KIF16B: variants seen among roughly 807,000 people sequenced by gnomAD.
KIF16B encodes kinesin-like protein KIF16B.
A neutral mutation model predicts 156.3 loss-of-function variants in KIF16B; 98 were observed. The ratio of observed to expected loss-of-function variants is 0.63; its 90% confidence interval spans 0.53 to 0.74. The LOEUF (loss-of-function observed/expected upper bound fraction) is 0.74. Among genes scored for constraint, KIF16B ranks in the 30% least tolerant of loss-of-function variants. KIF16B has a pLI of 0.00. For synonymous variants in KIF16B, 564 were observed against 583.7 expected (o/e 0.97, Z 0.49); for missense variants, 1,421 against 1,606.5 (o/e 0.88, Z 1.97).
chr20:16,304,973 G>GGTGGTGGTGATATATCAATACTGACA (rs1370807586), intron 25 of KIF16B, among the ~76,000 whole-genome samples: 5 of 152,138 alleles, frequency 3.3e-5, no homozygotes, highest in Non-Finnish European at 7.4e-5. Context: ...GTGGAGTGGT[G>GGTGGTGGTGATATATCAATACTGACA]GTGGTGGTGA....
At chr20:16,515,720 C>T (rs2069123010) in intron 3 of KIF16B, 56 bp from the exon 4 acceptor site, 1 of 913,582 alleles carries the variant, frequency 1.1e-6, no homozygotes, top group Admixed American at 1.8e-5. Context: ...TTAATAATAG[C>T]CCCTTCAGTG....
At chr20:16,511,194 G>A (rs558756494) in intron 6 of KIF16B, among the ~76,000 whole-genome samples, 2 of 152,332 alleles carry the variant, frequency 1.3e-5, no homozygotes, top group South Asian at 4.1e-4. Flanking sequence ...CTTAAAGACA[G>A]AGGAAATCTA....
intron 15 of KIF16B, among the ~76,000 whole-genome samples, chr20:16,411,922 T>C (rs1272124909): frequency 7.4e-6 from 1 of 134,978 alleles, no homozygotes; most frequent in African/African-American, 2.9e-5. Context: ...TGATGAGGAA[T>C]GTTCAACGTG....
At chr20:16,484,600 A>G (rs934798698) in intron 12 of KIF16B, among the ~76,000 whole-genome samples, 1 of 152,234 alleles carries the variant, frequency 6.6e-6, no homozygotes, top group Non-Finnish European at 1.5e-5. Flanking sequence ...TTTTAAGAAC[A>G]AGGAAGAGCC....
intron 24 of KIF16B, among the ~76,000 whole-genome samples, chr20:16,328,119 C>G (rs2063887668): frequency 6.6e-6 from 1 of 152,184 alleles, no homozygotes; most frequent in African/African-American, 2.4e-5. Context: ...AACTGAAAGT[C>G]CATCTACAAA....
chr20:16,535,577 A>AG (rs1383036422), intron 1 of KIF16B, among the ~76,000 whole-genome samples: 1 of 152,140 alleles, frequency 6.6e-6, no homozygotes, highest in Non-Finnish European at 1.5e-5. Flanking sequence ...CAGTTCTAAG[A>AG]GAAAAAAAAT....
chr20:16,514,723 T>C (rs1364539590), intron 4 of KIF16B, among the ~76,000 whole-genome samples: 1 of 150,692 alleles, frequency 6.6e-6, no homozygotes, highest in Non-Finnish European at 1.5e-5. Context: ...AAACCCCGTC[T>C]CTACTAAAAA....
At chr20:16,360,904 T>A (rs6111074) in intron 22 of KIF16B, among the ~76,000 whole-genome samples, 145,954 of 152,316 alleles carry the variant, frequency 0.96, 69,963 homozygotes, top group East Asian at 1. Context: ...CACTCAGATC[T>A]CTGCGGGCTC....
intron 23 of KIF16B, among the ~76,000 whole-genome samples, chr20:16,354,792 A>C (rs116602168): frequency 0.012 from 1,760 of 152,218 alleles, 29 homozygotes; most frequent in African/African-American, 0.038. Context: ...TAAAAACACA[A>C]AAAGTCAGCC....
intron 22 of KIF16B, among the ~76,000 whole-genome samples, chr20:16,370,346 A>T (rs1450326198): frequency 6.6e-6 from 1 of 152,216 alleles, no homozygotes; most frequent in African/African-American, 2.4e-5. Flanking sequence ...TACTATTACA[A>T]ATGAAAAACT....
At chr20:16,358,203 A>T (rs1171423087) in intron 22 of KIF16B, among the ~76,000 whole-genome samples, 1 of 152,130 alleles carries the variant, frequency 6.6e-6, no homozygotes, top group Non-Finnish European at 1.5e-5. Flanking sequence ...GAAAAAAAAA[A>T]TTATATGGGC....
intron 23 of KIF16B, among the ~76,000 whole-genome samples, chr20:16,337,917 T>C (rs887579438): frequency 2.6e-5 from 4 of 152,236 alleles, no homozygotes; most frequent in Non-Finnish European, 4.4e-5. Context: ...AACCACTTCA[T>C]GACCTGTGAG....
chr20:16,293,908 T>C (rs1307210046), intron 25 of KIF16B, among the ~76,000 whole-genome samples: 4 of 151,324 alleles, frequency 2.6e-5, no homozygotes, highest in Non-Finnish European at 5.9e-5. Flanking sequence ...CCTGAATATA[T>C]GAGGAGAGGG....
At chr20:16,507,519 C>T (rs187537107) in intron 7 of KIF16B, among the ~76,000 whole-genome samples, 60 of 152,288 alleles carry the variant, frequency 3.9e-4, no homozygotes, top group Middle Eastern at 6.8e-3. Flanking sequence ...TATAAATATT[C>T]GCTGCCCTTT....
chr20:16,315,070 G>A (rs2063677077), intron 24 of KIF16B, among the ~76,000 whole-genome samples: 1 of 152,054 alleles, frequency 6.6e-6, no homozygotes, highest in African/African-American at 2.4e-5. Context: ...GAAATTTATA[G>A]TCACACTCAC....
chr20:16,530,941 T>G (rs973042490), intron 1 of KIF16B, among the ~76,000 whole-genome samples: 7 of 152,034 alleles, frequency 4.6e-5, no homozygotes, highest in African/African-American at 1.7e-4. Flanking sequence ...GCTCAAGCAA[T>G]CCACCCGCCT....
intron 12 of KIF16B, among the ~76,000 whole-genome samples, chr20:16,476,503 G>C (rs1281312291): frequency 6.6e-6 from 1 of 152,126 alleles, no homozygotes. Context: ...TTAACAAAAA[G>C]CAATCTGGCT....
rs2065048544 is a variant in KIF16B at position 16,379,850 on chromosome 20, T to C, written c.2152A>G (p.Asn718Asp). 3 of 1,614,194 alleles carry C rather than the reference T, an allele frequency of 1.9e-6. No homozygotes were observed. The highest frequency in any genetic ancestry group is 2.5e-6 in the Non-Finnish European group (3 of 1,180,024). Reference sequence around the variant, plus strand: ...ATCTGAAACTTCTCAGCCTTCTCGTTGTTGTTGAGTTCTTTGAGTCGTTGG... The same window carrying C: ...ATCTGAAACTTCTCAGCCTTCTCGTCGTTGTTGAGTTCTTTGAGTCGTTGG... Reference protein sequence around the residue: ...ELQRLKELNNNEKAEKFQIFQ... With the variant: ...ELQRLKELNNDEKAEKFQIFQ... Residue 718 changes from asparagine to aspartate, a missense_variant, in exon 19 of 26, where the codon AAC (asparagine) becomes GAC (aspartate). By Grantham distance (23) the Asn-to-Asp change is conservative. Coordinates refer to ENST00000354981, the MANE Select transcript of KIF16B (RefSeq NM_024704.5).
intron 3 of KIF16B, among the ~76,000 whole-genome samples, chr20:16,520,502 T>A (rs2147110577): frequency 6.6e-6 from 1 of 152,314 alleles, no homozygotes; most frequent in Admixed American, 6.5e-5. Context: ...GGGCCTGGCA[T>A]CTCTGAAAGA....
Sources: allele counts gnomAD v4.1 joint callset (sites outside exome capture counted in the v4.1 genomes callset), GRCh38; gene constraint gnomAD v4.1.1; transcripts MANE v1.5; gene names NCBI Gene and HGNC (gene_info 2026-07-23, HGNC 2026-07-21).